FBXO31: variants seen among roughly 807,000 people sequenced by gnomAD.
FBXO31 encodes F-box only protein 31.
A neutral mutation model predicts 54.4 loss-of-function variants in FBXO31; 24 were observed. The ratio of observed to expected loss-of-function variants is 0.44; its 90% CI spans 0.32 to 0.62. The LOEUF is 0.62. Ranked by LOEUF, FBXO31 falls within the 20% of genes least tolerant of loss-of-function variation. The probability of loss-of-function intolerance (pLI) is 0.05; values close to 1 mark genes in which losing one functional copy is unlikely to be tolerated. For synonymous variants in FBXO31, 388 were observed against 335.6 expected, an observed-to-expected ratio of 1.16 and a Z score of -1.71; for missense variants, 665 against 787.1, an observed-to-expected ratio of 0.84 and a Z score of 1.86.
chr16:87,333,364 G>A (rs985459278), intron 8 of FBXO31, among the ~76,000 whole-genome samples: 4 of 152,214 alleles, frequency 2.6e-5, no homozygotes, highest in African/African-American at 4.8e-5. Flanking sequence ...CACAGAGGAG[G>A]GAGGGGGCAG....
chr16:87,346,522 C>T lies in FBXO31; in HGVS notation c.489+652G>A, dbSNP rs943289847. Among the ~76,000 whole-genome samples, 4 of 152,232 alleles carry T rather than the reference C, an allele frequency of 2.6e-5. No homozygotes were observed. Among genetic ancestry groups the T allele is most frequent in the African/African-American group, 9.6e-5 (4 of 41,458 alleles). ...CAGGACTAGACAGGCACTGCCATGG[C>T]AGACCCAACGAACAGGAAAGAAATG... On this transcript the variant is annotated intron_variant, in intron 3 of 8. Transcript: ENST00000311635. The surrounding 1 kb of genome is among the most constrained non-coding windows in gnomAD (Gnocchi z 4.2).
intron 2 of FBXO31, among the ~76,000 whole-genome samples, chr16:87,351,592 C>T (rs949937104): frequency 3.3e-5 from 5 of 152,092 alleles, no homozygotes; most frequent in African/African-American, 9.7e-5. Flanking sequence ...GGGCTGGGTG[C>T]GGTGGCTCAC....
At chr16:87,343,552 G>C in intron 4 of FBXO31, 46 bp downstream of exon 4, 1 of 1,555,766 alleles carries the variant, frequency 6.4e-7, no homozygotes, top group Non-Finnish European at 8.7e-7. Context: ...AGCCCACACA[G>C]GACAGCCCTG....
upstream of FBXO31, among the ~76,000 whole-genome samples, chr16:87,390,141 C>T (rs1447987056): frequency 6.6e-6 from 1 of 152,082 alleles, no homozygotes; most frequent in African/African-American, 2.4e-5. Context: ...ATTAGCTGGG[C>T]GTGGTGGCAG....
intron 7 of FBXO31, among the ~76,000 whole-genome samples, chr16:87,334,990 C>G (rs1021623246): frequency 6.6e-6 from 1 of 152,348 alleles, no homozygotes; most frequent in African/African-American, 2.4e-5. Context: ...ATCTGAGCCT[C>G]TGTGTGGGGT....
At chr16:87,382,805 G>A (rs910241757) in intron 1 of FBXO31, among the ~76,000 whole-genome samples, 4 of 152,142 alleles carry the variant, frequency 2.6e-5, no homozygotes, top group African/African-American at 9.7e-5. Flanking sequence ...GCTAATTTTT[G>A]TATTTTTGTA....
intron 8 of FBXO31, among the ~76,000 whole-genome samples, chr16:87,332,121 T>C (rs1289119394): frequency 6.6e-6 from 1 of 152,140 alleles, no homozygotes; most frequent in Non-Finnish European, 1.5e-5. Flanking sequence ...AATCACCCAC[T>C]GAGGCTCCAA....
upstream of FBXO31, chr16:87,386,269 A>G (rs149172103): frequency 6.6e-6 from 1 of 152,352 alleles, no homozygotes; most frequent in African/African-American, 2.4e-5. Context: ...GGTTGGAGTT[A>G]GAATGTGAAC....
intron 5 of FBXO31, among the ~76,000 whole-genome samples, chr16:87,342,458 C>T (rs1410102519): frequency 2.0e-5 from 3 of 152,162 alleles, no homozygotes; most frequent in African/African-American, 2.4e-5. Flanking sequence ...CAGGCTTCCC[C>T]GCTGCACTGG....
At chr16:87,373,537 T>C (rs1207676386) in intron 1 of FBXO31, among the ~76,000 whole-genome samples, 1 of 116,218 alleles carries the variant, frequency 8.6e-6, no homozygotes, top group Admixed American at 1.1e-4. Flanking sequence ...AGCCAACTTT[T>C]CTTTTTTTTT....
intron 1 of FBXO31, among the ~76,000 whole-genome samples, chr16:87,373,190 GC>G: frequency 6.6e-6 from 1 of 151,130 alleles, no homozygotes; most frequent in African/African-American, 2.4e-5. Context: ...AGTGGCTCAC[GC>G]CTGTAATCCC....
chr16:87,386,408 A>C (rs934101064), upstream of FBXO31, among the ~76,000 whole-genome samples: 2 of 152,166 alleles, frequency 1.3e-5, no homozygotes, highest in African/African-American at 4.8e-5. Context: ...GGACGATTTT[A>C]TGTGGTACAG....
At chr16:87,348,051 G>T (rs1905471515) in intron 2 of FBXO31, among the ~76,000 whole-genome samples, 1 of 152,178 alleles carries the variant, frequency 6.6e-6, no homozygotes, top group African/African-American at 2.4e-5. Flanking sequence ...CACCCTCGAA[G>T]CTGCCCCTGG....
chr16:87,383,386 G>GCCCCCCCC lies in FBXO31; in HGVS notation c.340+18_340+19insGGGGGGGG. 1 of 897,382 alleles carries GCCCCCCCC rather than the reference G, an allele frequency of 1.1e-6. No homozygotes were observed. Among genetic ancestry groups the GCCCCCCCC allele is most frequent in the Non-Finnish European group, 1.6e-6 (1 of 625,836 alleles). The allele number at this position is 897,382 out of a possible 1,614,324, so 55.6% of individuals were successfully genotyped here. ...GGGACCCCCCGCCCCTCCCGGCCCCGCCACCCCCGCGCGCTCACCCTCACG... is the reference window on the plus strand; with the variant it reads ...GGGACCCCCCGCCCCTCCCGGCCCCGCCCCCCCCCCACCCCCGCGCGCTCACCCTCACG... On this transcript the variant is annotated intron_variant, in intron 1 of 8. Transcript: ENST00000311635. The surrounding 1 kb of genome is among the most constrained non-coding windows in gnomAD (Gnocchi z 4.9).
At position 87,335,697 on chromosome 16, in the gene FBXO31, G is replaced by A. The variant is rs1905027106; in HGVS notation, c.843-240C>T. 6.6e-6 allele frequency among the ~76,000 whole-genome samples: 1 copy of A among 152,198 alleles called. No homozygotes were observed. Among genetic ancestry groups the A allele is most frequent in the Non-Finnish European group, 1.5e-5 (1 of 68,030 alleles). On this transcript the variant is annotated intron_variant, in intron 6 of 8. Transcript: ENST00000311635. The surrounding 1 kb of genome is among the most constrained non-coding windows in gnomAD (Gnocchi z 5.7). ...GGGGTTAAGGGGGGCATCAGCGCCA[G>A]GGCAGAGCTTTAGGTGGGAGGGAAA...
At chr16:87,390,700 A>G (rs1241424801), upstream of FBXO31, among the ~76,000 whole-genome samples, 1 of 152,040 alleles carries the variant, frequency 6.6e-6, no homozygotes, top group African/African-American at 2.4e-5. Flanking sequence ...TTGACCTCCC[A>G]AAGTGCTGGA....
upstream of FBXO31, chr16:87,384,020 A>G (rs113493096): frequency 6.6e-5 from 13 of 198,210 alleles, no homozygotes; most frequent in Admixed American, 4.2e-4. Context: ...AAAACGTTAG[A>G]CTGCCCCGTG....
chr16:87,331,716 G>A (rs951931294), intron 8 of FBXO31, among the ~76,000 whole-genome samples: 29 of 152,356 alleles, frequency 1.9e-4, no homozygotes, highest in Middle Eastern at 3.4e-3. Flanking sequence ...AGCTAAGGGC[G>A]CAGGCCGAGC....
At chr16:87,383,879 C>G, upstream of FBXO31, 1 of 610,570 alleles carries the variant, frequency 1.6e-6, no homozygotes, top group Non-Finnish European at 2.2e-6. The surrounding 1 kb of genome is among the most constrained non-coding windows in gnomAD (Gnocchi z 4.9). Context: ...CTACGTAGAG[C>G]TCCGCCCCGG....
Sources: gnomAD v4.1 joint callset for allele counts (sites outside exome capture counted in the v4.1 genomes callset) on GRCh38, gnomAD v4.1.1 for gene constraint, Gnocchi (gnomAD v3.1) non-coding constraint, MANE v1.5 for transcripts, NCBI Gene and HGNC (gene_info 2026-07-23, HGNC 2026-07-21) for gene names.